DEFB112: variants seen among roughly 807,000 people sequenced by gnomAD.
The protein encoded by DEFB112 is defensin beta 112.
DEFB112 carries 2 observed loss-of-function variants against 1.1 expected under a neutral mutation model. The observed-to-expected ratio is 1.85, with a 90% CI of 0.76 to 5.83. The LOEUF (loss-of-function observed/expected upper bound fraction) is 5.83, where lower values mean the gene tolerates loss of function less well. DEFB112 is among the 30% of genes most tolerant of loss of function. The probability of loss-of-function intolerance (pLI) is 0.05; values close to 1 mark genes in which losing one functional copy is unlikely to be tolerated. For synonymous variants in DEFB112, 40 were observed against 31.2 expected, an observed-to-expected ratio of 1.28 and a Z score of -0.93; for missense variants, 120 against 94.4, an observed-to-expected ratio of 1.27 and a Z score of -1.12.
chr6:50,049,111 A>G lies in DEFB112; in HGVS notation c.58+701T>C, dbSNP rs564669735. On this transcript the variant is annotated intron_variant, in intron 1 of 1. Coordinates refer to ENST00000651554, the MANE Select transcript of DEFB112 (RefSeq NM_001369057.2). ...ACTCCCTTGTTGGTTTACATTATTA[A>G]CTGAAGTTCACCTCCTTGTCCCCTT... Among the ~76,000 whole-genome samples, 3 of 152,212 alleles carry G rather than the reference A, an allele frequency of 2.0e-5. No individual in the cohort carries two copies. In the East Asian group the frequency reaches 5.8e-4, roughly 29 times the overall value.
intron 1 of DEFB112, among the ~76,000 whole-genome samples, chr6:50,045,113 G>A (rs1389457336): frequency 1.3e-5 from 2 of 151,846 alleles, no homozygotes; most frequent in African/African-American, 2.4e-5. Flanking sequence ...TTTGCAAATA[G>A]TAATAGTAAT....
At position 50,048,699 on chromosome 6, in the gene DEFB112, A is replaced by T. The variant is rs1202750196; in HGVS notation, c.58+1113T>A. The stretch of plus-strand genomic sequence containing the variant: ...GAGCTCACTGTAAAGTGAAAAAATT[A>T]CTTTAAAAGTAGGAGGAAAAATATT... On this transcript the variant is annotated intron_variant, in intron 1 of 1. Transcript: ENST00000651554. The T allele has an allele frequency of 3.6e-6, 5 of 1,387,112 alleles. No homozygotes were observed. The Admixed American group carries it at 7.8e-5, about 22-fold the overall frequency. The allele number at this position is 1,387,112 out of a possible 1,614,324, so 85.9% of individuals were successfully genotyped here. A position where few individuals can be genotyped will look rare whatever the true frequency, so the allele number is the denominator to read the frequency against.
intron 1 of DEFB112, among the ~76,000 whole-genome samples, chr6:50,046,297 A>G (rs74994920): frequency 0.029 from 4,279 of 146,600 alleles, 84 homozygotes; most frequent in Non-Finnish European, 0.045. Context: ...TTGTTTCTGG[A>G]TTTTTAAATT....
chr6:50,044,218 A>G (rs1253774889), intron 1 of DEFB112, among the ~76,000 whole-genome samples: 1 of 152,100 alleles, frequency 6.6e-6, no homozygotes, highest in Non-Finnish European at 1.5e-5. Flanking sequence ...TGACTTGAGC[A>G]GTTCTAAAAT....
intron 1 of DEFB112, among the ~76,000 whole-genome samples, chr6:50,049,216 A>G (rs1384070645): frequency 6.6e-6 from 1 of 152,150 alleles, no homozygotes; most frequent in African/African-American, 2.4e-5. Context: ...GAGTTACTAC[A>G]GATTTATTTT....
intron 1 of DEFB112, among the ~76,000 whole-genome samples, chr6:50,045,086 C>T (rs1040574819): frequency 4.0e-5 from 6 of 151,712 alleles, no homozygotes; most frequent in African/African-American, 1.5e-4. Flanking sequence ...GTTATCTTTG[C>T]TAATAATTGT....
chr6:50,043,585 G>A lies in DEFB112; in HGVS notation c.275C>T (p.Ser92Leu). The A allele has an allele frequency of 6.2e-7, 1 of 1,612,338 alleles. No individual in the cohort carries two copies. The change falls in exon 2 of 2, where the codon TCA (serine) becomes TTA (leucine). Residue 92 changes from serine to leucine, a missense_variant. Ser to Leu is a moderately radical substitution (Grantham distance 145, BLOSUM62 -2). Coordinates refer to ENST00000651554, the MANE Select transcript of DEFB112 (RefSeq NM_001369057.2). ...TGTGCATGGATTTCTTCAATGACGT[G>A]AGTCTTTAGGGTACCATTCTTGAGT... is the stretch of plus-strand genomic sequence containing the variant. ...VGTQEWYPKD[S>L]RH
chr6:50,047,589 A>G (rs2113959334), intron 1 of DEFB112, among the ~76,000 whole-genome samples: 1 of 152,310 alleles, frequency 6.6e-6, no homozygotes, highest in Non-Finnish European at 1.5e-5. Flanking sequence ...TGTTCAAATT[A>G]GTGATTCTGT....
intron 1 of DEFB112, among the ~76,000 whole-genome samples, chr6:50,045,271 T>C (rs373550797): frequency 2.6e-5 from 4 of 151,888 alleles, no homozygotes; most frequent in African/African-American, 4.8e-5. Flanking sequence ...GAACACAAAA[T>C]ATAAATGCAG....
In DEFB112 at chr6:50,043,651, G is replaced by T; in HGVS notation, c.209C>A (p.Pro70His). The T allele has an allele frequency of 6.2e-7, 1 of 1,613,486 alleles. No homozygotes were observed. Among genetic ancestry groups the T allele is most frequent in the Non-Finnish European group, 8.5e-7 (1 of 1,179,596 alleles). ...TGGGATCCAATTATTTGGGTCCGTA[G>T]GGTCACATTCTGTCACGCAGCAATG... is the stretch of plus-strand genomic sequence containing the variant. Reference protein sequence around the residue: ...TTHCCVTECDPTDPNNWIPKD... With the variant: ...TTHCCVTECDHTDPNNWIPKD... Residue 70 changes from proline to histidine, a missense_variant, in exon 2 of 2, where the codon CCT (proline) becomes CAT (histidine). Transcript: ENST00000651554.
chr6:50,043,451 A>G lies in DEFB112; in HGVS notation c.*124T>C, dbSNP rs978369692. ...GTTTATAAAAATGTCCAGCTGAAAT[A>G]TATTTTATTTAATTATTTATTCATT... On this transcript the variant is annotated 3_prime_UTR_variant, in exon 2 of 2. Coordinates refer to ENST00000651554, the MANE Select transcript of DEFB112 (RefSeq NM_001369057.2). The G allele has an allele frequency of 1.6e-6, 1 of 631,558 alleles. No homozygotes were observed. Among genetic ancestry groups the G allele is most frequent in the Non-Finnish European group, 2.7e-6 (1 of 374,594 alleles). 39.1% of individuals were successfully genotyped at this position (631,558 alleles called of 1,614,324 possible).
chr6:50,046,335 T>G (rs1774833734), intron 1 of DEFB112, among the ~76,000 whole-genome samples: 1 of 151,964 alleles, frequency 6.6e-6, no homozygotes, highest in South Asian at 2.1e-4. Flanking sequence ...ACTTTGTGGT[T>G]GGATGTAGTT....
rs1432990846 is a variant in DEFB112, at chr6:50,043,582, C to T, written c.278G>A (p.Arg93His). Reference sequence around the variant, plus strand: ...TCTTGTGCATGGATTTCTTCAATGACGTGAGTCTTTAGGGTACCATTCTTG... The same window carrying T: ...TCTTGTGCATGGATTTCTTCAATGATGTGAGTCTTTAGGGTACCATTCTTG... ...GTQEWYPKDS[R>H]H The change falls in exon 2 of 2, where the codon CGT (arginine) becomes CAT (histidine). Residue 93 changes from arginine (R) to histidine (H), a missense_variant. Physicochemically the swap from Arg to His is conservative, Grantham distance 29 (BLOSUM62 0). Coordinates refer to ENST00000651554, the MANE Select transcript of DEFB112 (RefSeq NM_001369057.2). 1.7e-5 allele frequency: 27 copies of T among 1,611,770 alleles called. No homozygotes were observed. Among genetic ancestry groups the T allele is most frequent in the East Asian group, 8.9e-5 (4 of 44,848 alleles).
chr6:50,046,726 A>G (rs1360785300), intron 1 of DEFB112, among the ~76,000 whole-genome samples: 1 of 152,134 alleles, frequency 6.6e-6, no homozygotes, highest in Non-Finnish European at 1.5e-5. Flanking sequence ...CTAGTTATAT[A>G]TGTAGCAATG....
At chr6:50,049,773 C>G (rs531211435) in intron 1 of DEFB112, among the ~76,000 whole-genome samples, 39 bp downstream of exon 1, 2 of 152,084 alleles carry the variant, frequency 1.3e-5, no homozygotes, top group African/African-American at 4.8e-5. Context: ...GACTTTAATG[C>G]TGGCCCCTTG....
At chr6:50,045,729 C>T (rs1019777766) in intron 1 of DEFB112, among the ~76,000 whole-genome samples, 3 of 152,078 alleles carry the variant, frequency 2.0e-5, no homozygotes, top group Non-Finnish European at 1.5e-5. Context: ...TAAGGTATAG[C>T]CTATTACTCC....
intron 1 of DEFB112, 55 bp from the exon 2 acceptor site, chr6:50,043,856 T>A (rs1459345944): frequency 6.9e-7 from 1 of 1,457,962 alleles, no homozygotes; most frequent in South Asian, 1.1e-5. Flanking sequence ...ACTCCCAAGA[T>A]TTAAAAGAAG....
rs536486148 is a variant in DEFB112 at position 50,046,010 on chromosome 6, A to G, written c.59-2209T>C. Among the ~76,000 whole-genome samples, 23 of 152,214 alleles carry G rather than the reference A, an allele frequency of 1.5e-4. 1 individual carries two copies. In the East Asian group the frequency reaches 4.4e-3, roughly 29 times the overall value. ...AGTACATTATCAAACACATTCCATG[A>G]TATATTCAATAATTTATTATAAAAC... On this transcript the variant is annotated intron_variant, in intron 1 of 1. Coordinates refer to ENST00000651554, the MANE Select transcript of DEFB112 (RefSeq NM_001369057.2).
At chr6:50,049,004 G>C (rs774287686) in intron 1 of DEFB112, among the ~76,000 whole-genome samples, 4 of 151,960 alleles carry the variant, frequency 2.6e-5, no homozygotes, top group Non-Finnish European at 5.9e-5. Flanking sequence ...CCTCAGAAAA[G>C]TTCTAAATAT....
Sources: gnomAD v4.1 joint callset for allele counts (sites outside exome capture counted in the v4.1 genomes callset) on GRCh38, gnomAD v4.1.1 for gene constraint, MANE v1.5 for transcripts, NCBI Gene and HGNC (gene_info 2026-07-23, HGNC 2026-07-21) for gene names.